PDIA3: variants seen among roughly 807,000 people sequenced by gnomAD.
PDIA3 encodes protein disulfide-isomerase A3.
Under a neutral mutation model 56.9 loss-of-function variants are expected in PDIA3, and 16 were observed. That is an observed-to-expected ratio of 0.28 (90% confidence interval 0.19 to 0.43). PDIA3 has a LOEUF of 0.43. Among genes scored for constraint, PDIA3 ranks in the 20% least tolerant of loss-of-function variants. PDIA3 has a pLI of 1.00. For synonymous variants in PDIA3, 192 were observed against 216.5 expected (o/e 0.89, Z 0.99); for missense variants, 485 against 621.3 (o/e 0.78, Z 2.33).
intron 3 of PDIA3, among the ~76,000 whole-genome samples, chr15:43,757,967 G>A (rs1287436716): frequency 1.3e-5 from 2 of 151,532 alleles, no homozygotes; most frequent in Admixed American, 1.3e-4. Context: ...GAAATAGGCC[G>A]GGCGCGGTGG....
chr15:43,748,423 A>C (rs1214135722), intron 1 of PDIA3, among the ~76,000 whole-genome samples: 1 of 152,134 alleles, frequency 6.6e-6, no homozygotes, highest in Non-Finnish European at 1.5e-5. Context: ...GGCTGCAGTG[A>C]GCCACGATCC....
chr15:43,746,616 A>G lies in PDIA3; in HGVS notation c.77A>G (p.Asp26Gly), dbSNP rs764122292. Residue 26 changes from aspartate (D) to glycine (G), a missense_variant, in exon 1 of 13, where the codon GAC (aspartate) becomes GGC (glycine). Asp to Gly is a moderately conservative substitution (Grantham distance 94). Coordinates refer to ENST00000300289, the MANE Select transcript of PDIA3 (RefSeq NM_005313.5). ...GCGGCCCGCCTCGCCGCTGCCTCCG[A>G]CGTGCTAGAACTCACGGACGACAAC... ...LAAARLAAAS[D>G]VLELTDDNFE... 1 of 1,612,624 alleles carries G rather than the reference A, an allele frequency of 6.2e-7. No homozygotes were observed. Among genetic ancestry groups the G allele is most frequent in the Non-Finnish European group, 8.5e-7 (1 of 1,179,820 alleles).
intron 3 of PDIA3, among the ~76,000 whole-genome samples, chr15:43,757,972 C>T (rs1300765078): frequency 6.6e-6 from 1 of 151,030 alleles, no homozygotes; most frequent in Admixed American, 6.6e-5. Flanking sequence ...AGGCCGGGCG[C>T]GGTGGCTCAC....
chr15:43,773,006 A>T lies in PDIA3; in HGVS notation c.*1788A>T. 9.7e-7 allele frequency: 1 copy of T among 1,025,842 alleles called. No individual in the cohort carries two copies. Among genetic ancestry groups the T allele is most frequent in the Non-Finnish European group, 1.4e-6 (1 of 694,292 alleles). The allele number at this position is 1,025,842 out of a possible 1,614,324, so 63.5% of individuals were successfully genotyped here. On this transcript the variant is annotated 3_prime_UTR_variant, in exon 13 of 13. Coordinates refer to ENST00000300289, the MANE Select transcript of PDIA3 (RefSeq NM_005313.5). ...AGCAGCTCTCTACTTGCCACCATGG[A>T]CTCCAGTGGTCAGCATAAGAAAAGC...
At chr15:43,747,610 C>T (rs573408706) in intron 1 of PDIA3, among the ~76,000 whole-genome samples, 69 of 151,618 alleles carry the variant, frequency 4.6e-4, no homozygotes, top group African/African-American at 1.6e-3. Context: ...CAGATCATTA[C>T]CAGAGTAAAC....
intron 1 of PDIA3, among the ~76,000 whole-genome samples, chr15:43,747,604 T>C (rs2086715791): frequency 6.6e-6 from 1 of 151,994 alleles, no homozygotes; most frequent in African/African-American, 2.4e-5. Context: ...AACCTCCAGA[T>C]CATTACCAGA....
rs1298451562 is a variant in PDIA3 at position 43,763,011 on chromosome 15, A to G, written c.473-66A>G. 10 of 1,492,278 alleles carry G rather than the reference A, an allele frequency of 6.7e-6. No homozygotes were observed. In the East Asian group the frequency reaches 1.1e-4, roughly 17 times the overall value. The allele number at this position is 1,492,278 out of a possible 1,614,324, so 92.4% of individuals were successfully genotyped here. A position where few individuals can be genotyped will look rare whatever the true frequency, so the allele number is the denominator to read the frequency against. ...TTTATGGTTTATGGAATAGACGTTT[A>G]TGGTTTGGAATGTCCATCTGTCAGC... is the stretch of plus-strand genomic sequence containing the variant. On this transcript the variant is annotated intron_variant, in intron 4 of 12. Transcript: ENST00000300289.
intron 1 of PDIA3, chr15:43,747,088 G>A: frequency 5.3e-6 from 1 of 188,172 alleles, no homozygotes; most frequent in Non-Finnish European, 1.1e-5. Flanking sequence ...TGTAGTGGAA[G>A]CGGACGTTTC....
chr15:43,762,511 CA>C (rs767755194), intron 4 of PDIA3, among the ~76,000 whole-genome samples: 2,630 of 55,970 alleles, frequency 0.047, 32 homozygotes, highest in Middle Eastern at 0.11. Context: ...AACTCTGTCG[CA>C]AAAAAAAAAA....
intron 1 of PDIA3, among the ~76,000 whole-genome samples, chr15:43,748,314 A>C (rs2086720465): frequency 6.6e-6 from 1 of 151,944 alleles, no homozygotes; most frequent in South Asian, 2.1e-4. Flanking sequence ...CCCCGTCTCT[A>C]CTAAAAATAC....
At position 43,771,589 on chromosome 15, in the gene PDIA3, T is replaced by C. The variant is rs1223014776; in HGVS notation, c.*371T>C. The stretch of plus-strand genomic sequence containing the variant: ...AGAACCAGATGTTCTCTACACACTA[T>C]CACTGTTCAATAGAGCTTTCTTCAG... On this transcript the variant is annotated 3_prime_UTR_variant, in exon 13 of 13. Transcript: ENST00000300289. 6.9e-6 allele frequency: 3 copies of C among 435,496 alleles called. No homozygotes were observed. The highest frequency in any genetic ancestry group is 4.1e-5 in the African/African-American group (2 of 49,314). 27.0% of individuals were successfully genotyped at this position (435,496 alleles called of 1,614,324 possible).
rs771669339 is a variant in PDIA3 at position 43,769,528 on chromosome 15, C to G, written c.1148C>G (p.Ala383Gly). ...TTCTGTGTTTTCCAGGTAGTGGTAG[C>G]AGAGAATTTTGATGAAATAGTGAAT... is the stretch of plus-strand genomic sequence containing the variant. ...SNDGPVKVVV[A>G]ENFDEIVNNE... Residue 383 changes from alanine (A) to glycine (G), a missense_variant, in exon 10 of 13, where the codon GCA becomes GGA. Coordinates refer to ENST00000300289, the MANE Select transcript of PDIA3 (RefSeq NM_005313.5). The G allele has an allele frequency of 1.9e-6, 3 of 1,612,978 alleles. No individual in the cohort carries two copies. In the South Asian group the frequency reaches 3.3e-5, roughly 18 times the overall value.
chr15:43,758,506 A>G (rs1367237534), intron 3 of PDIA3, among the ~76,000 whole-genome samples: 1 of 151,630 alleles, frequency 6.6e-6, no homozygotes, highest in Non-Finnish European at 1.5e-5. Context: ...TAAAAATACA[A>G]AAATTAGCTG....
intron 2 of PDIA3, among the ~76,000 whole-genome samples, chr15:43,755,727 A>G (rs2086774724): frequency 6.6e-6 from 1 of 152,166 alleles, no homozygotes; most frequent in Non-Finnish European, 1.5e-5. Context: ...CAGCCTGGCC[A>G]ACATGGTGAA....
rs953239996 is a variant in PDIA3, at chr15:43,751,825, C to T, written c.168-1999C>T. 9 of 1,129,652 alleles carry T rather than the reference C, an allele frequency of 8.0e-6. No homozygotes were observed. The Admixed American group carries it at 9.3e-5, about 12-fold the overall frequency. 70.0% of individuals were successfully genotyped at this position (1,129,652 alleles called of 1,614,324 possible). A position where few individuals can be genotyped will look rare whatever the true frequency, so the allele number is the denominator to read the frequency against. ...ATTTTTGATAAGCATCTAGAGTTGA[C>T]ACCTACTGGCTTGACCTAGTAACTA... On this transcript the variant is annotated intron_variant, in intron 1 of 12. Coordinates refer to ENST00000300289, the MANE Select transcript of PDIA3 (RefSeq NM_005313.5).
rs540762660 is a variant in PDIA3 at position 43,753,355 on chromosome 15, G to A, written c.168-469G>A. On this transcript the variant is annotated intron_variant, in intron 1 of 12. Transcript: ENST00000300289. ...GGCCTCCCAAAGTGCTGGGATTACA[G>A]GTGTGAGCTTCAGTCACTATTTTTA... Among the ~76,000 whole-genome samples, 14 of 152,310 alleles carry A rather than the reference G, an allele frequency of 9.2e-5. No homozygotes were observed. The South Asian group carries it at 2.9e-3, about 32-fold the overall frequency.
intron 1 of PDIA3, chr15:43,751,778 GT>G: frequency 7.7e-7 from 1 of 1,291,114 alleles, no homozygotes; most frequent in Non-Finnish European, 1.0e-6. Flanking sequence ...GCATACTTTT[GT>G]TGTTTTAATG....
rs1488103776 is a variant in PDIA3 at position 43,770,503 on chromosome 15, A to G, written c.1347-20A>G. Reference sequence around the variant, plus strand: ...GGGCCCACATAACTGCTTGAAATTAATAAATGTTTCTTTCCCCAGTTTTCC... The same window carrying G: ...GGGCCCACATAACTGCTTGAAATTAGTAAATGTTTCTTTCCCCAGTTTTCC... On this transcript the variant is annotated intron_variant, in intron 11 of 12. Coordinates refer to ENST00000300289, the MANE Select transcript of PDIA3 (RefSeq NM_005313.5). 6.3e-7 allele frequency: 1 copy of G among 1,596,224 alleles called. No individual in the cohort carries two copies. Among genetic ancestry groups the G allele is most frequent in the South Asian group, 1.1e-5 (1 of 90,708 alleles).
intron 1 of PDIA3, among the ~76,000 whole-genome samples, chr15:43,748,497 T>G (rs1271902183): frequency 6.6e-6 from 1 of 151,966 alleles, no homozygotes; most frequent in Non-Finnish European, 1.5e-5. Context: ...AAACCAGAAT[T>G]TTTTATTTGA....
Sources: allele counts gnomAD v4.1 joint callset (sites outside exome capture counted in the v4.1 genomes callset), GRCh38; gene constraint gnomAD v4.1.1; transcripts MANE v1.5; gene names NCBI Gene and HGNC (gene_info 2026-07-23, HGNC 2026-07-21).